The following WWOX variants were observed in gnomAD, a reference collection of about 807,000 sequenced individuals.
WWOX encodes WW domain containing oxidoreductase, also known as WW domain-containing oxidoreductase.
WWOX carries 69 observed loss-of-function variants against 46.2 expected under a neutral mutation model. The ratio of observed to expected loss-of-function variants is 1.49; its 90% CI spans 1.23 to 1.82. WWOX has a LOEUF of 1.82. Among genes scored for constraint, WWOX ranks in the 40% most tolerant of loss-of-function variants. The probability of loss-of-function intolerance (pLI) is 0.00; values close to 1 mark genes in which losing one functional copy is unlikely to be tolerated. For missense variants in WWOX, 919 were observed against 542.6 expected (o/e 1.69, Z -6.89); for synonymous variants, 359 against 202.6 (o/e 1.77, Z -6.56).
chr16:79,057,672 G>A (rs1375019980), intron 8 of WWOX, among the ~76,000 whole-genome samples: 1 of 152,094 alleles, frequency 6.6e-6, no homozygotes. Flanking sequence ...TGGAGGAACT[G>A]GCCTACTATG....
chr16:78,415,680 G>A (rs2082782095), intron 6 of WWOX, among the ~76,000 whole-genome samples: 1 of 152,152 alleles, frequency 6.6e-6, no homozygotes, highest in South Asian at 2.1e-4. Context: ...GTCAGTGGTA[G>A]GGATCTTGAG....
intron 8 of WWOX, among the ~76,000 whole-genome samples, chr16:79,081,295 C>G (rs529594033): frequency 6.6e-6 from 1 of 152,150 alleles, no homozygotes; most frequent in Non-Finnish European, 1.5e-5. Flanking sequence ...TCCTAGGGAG[C>G]TGGGATTACA....
At chr16:79,209,429 G>A (rs533444049) in intron 8 of WWOX, among the ~76,000 whole-genome samples, 1 of 152,302 alleles carries the variant, frequency 6.6e-6, no homozygotes, top group South Asian at 2.1e-4. Context: ...GACTGCTTTG[G>A]TCTTTCCTCA....
In WWOX at chr16:78,810,956, G is replaced by A. The variant is rs941165117; in HGVS notation, c.1056+378204G>A. ...TACTGCAGGCAGAGCTGGGGATTCC[G>A]TGGCCAGAAGCATATTTGGTGAACC... is the stretch of plus-strand genomic sequence containing the variant. On this transcript the variant is annotated intron_variant, in intron 8 of 8. Coordinates refer to ENST00000566780, the MANE Select transcript of WWOX (RefSeq NM_016373.4). Among the ~76,000 whole-genome samples, 16 of 136,840 alleles carry A rather than the reference G, an allele frequency of 1.2e-4. No individual in the cohort carries two copies. In the South Asian group the frequency reaches 1.6e-3, roughly 14 times the overall value. The allele number at this position is 136,840 out of a possible 152,430, so 89.8% of individuals were successfully genotyped here. A position where few individuals can be genotyped will look rare whatever the true frequency, so the allele number is the denominator to read the frequency against.
chr16:78,675,897 T>G (rs1433732948), intron 8 of WWOX, among the ~76,000 whole-genome samples: 1 of 152,090 alleles, frequency 6.6e-6, no homozygotes, highest in African/African-American at 2.4e-5. Flanking sequence ...ATAGAAAATT[T>G]GGAAAATGTA....
chr16:78,511,249 A>G (rs1246506667), intron 8 of WWOX, among the ~76,000 whole-genome samples: 2 of 152,202 alleles, frequency 1.3e-5, no homozygotes, highest in Non-Finnish European at 2.9e-5. Context: ...ATCACCTCCT[A>G]GTACAATTAG....
At chr16:78,815,069 A>G (rs527656831) in intron 8 of WWOX, among the ~76,000 whole-genome samples, 32 of 152,328 alleles carry the variant, frequency 2.1e-4, no homozygotes, top group Middle Eastern at 3.4e-3. Flanking sequence ...TCACGCCTGT[A>G]ATCCCAACAC....
chr16:78,846,484 G>C (rs988179936), intron 8 of WWOX, among the ~76,000 whole-genome samples: 2 of 151,952 alleles, frequency 1.3e-5, no homozygotes, highest in Non-Finnish European at 2.9e-5. Context: ...TTATTTTGTA[G>C]AATGCCCGTA....
rs562973916 is a variant in WWOX at position 78,844,388 on chromosome 16, T to C, written c.1057-367220T>C. 8.5e-5 allele frequency among the ~76,000 whole-genome samples: 13 copies of C among 152,292 alleles called. No homozygotes were observed. The South Asian group carries it at 2.7e-3, about 32-fold the overall frequency. ...GCCTGGGATGGGAAATAAATTCTTA[T>C]TTTCCTGCCGTGTGGTACCAGTGGG... On this transcript the variant is annotated intron_variant, in intron 8 of 8. Transcript: ENST00000566780.
intron 8 of WWOX, among the ~76,000 whole-genome samples, chr16:78,870,608 T>C (rs1427477960): frequency 6.6e-6 from 1 of 152,192 alleles, no homozygotes; most frequent in East Asian, 1.9e-4. Context: ...TCAGTTCTTT[T>C]TTTCTTTTTT....
chr16:78,631,141 G>C (rs1357117532), intron 8 of WWOX, among the ~76,000 whole-genome samples: 1 of 152,182 alleles, frequency 6.6e-6, no homozygotes, highest in Non-Finnish European at 1.5e-5. Flanking sequence ...AGGGACTTGA[G>C]CATTTGTGGA....
chr16:79,095,405 G>C (rs2049047868), intron 8 of WWOX, among the ~76,000 whole-genome samples: 1 of 152,110 alleles, frequency 6.6e-6, no homozygotes. Context: ...GAGAAATTGA[G>C]GCACGGACAA....
intron 8 of WWOX, among the ~76,000 whole-genome samples, chr16:78,949,693 T>G (rs2046019692): frequency 6.6e-6 from 1 of 152,238 alleles, no homozygotes; most frequent in South Asian, 2.1e-4. Context: ...GTGTGGCTTC[T>G]TTTGAGCATC....
intron 8 of WWOX, among the ~76,000 whole-genome samples, chr16:79,071,686 A>G (rs1356517066): frequency 6.6e-6 from 1 of 152,224 alleles, no homozygotes; most frequent in Non-Finnish European, 1.5e-5. Flanking sequence ...CCTGCCCCGC[A>G]TTCCCCTTCA....
At chr16:78,603,288 G>C (rs921100406) in intron 8 of WWOX, among the ~76,000 whole-genome samples, 2 of 152,148 alleles carry the variant, frequency 1.3e-5, no homozygotes, top group Non-Finnish European at 2.9e-5. Flanking sequence ...GGAGCCAGAA[G>C]GTCCCTTTGG....
intron 8 of WWOX, among the ~76,000 whole-genome samples, chr16:79,003,398 A>T (rs1411082535): frequency 6.6e-6 from 1 of 152,166 alleles, no homozygotes; most frequent in African/African-American, 2.4e-5. Context: ...TCCCATTATC[A>T]CCGTGAGGCC....
intron 8 of WWOX, among the ~76,000 whole-genome samples, chr16:78,959,703 C>T (rs1415338025): frequency 6.6e-6 from 1 of 152,186 alleles, no homozygotes; most frequent in Non-Finnish European, 1.5e-5. Flanking sequence ...TGAGACCCCC[C>T]TGCAACTACC....
chr16:78,700,162 C>T (rs964590495), intron 8 of WWOX, among the ~76,000 whole-genome samples: 7 of 151,802 alleles, frequency 4.6e-5, no homozygotes, highest in Non-Finnish European at 7.4e-5. Context: ...AACAGAATAC[C>T]GTTGACTGGG....
At chr16:78,706,387 G>T (rs2048329069) in intron 8 of WWOX, among the ~76,000 whole-genome samples, 1 of 152,038 alleles carries the variant, frequency 6.6e-6, no homozygotes, top group Non-Finnish European at 1.5e-5. Flanking sequence ...GCCTTCTCCA[G>T]GAATCTCTCT....
Sources: allele counts gnomAD v4.1 joint callset (sites outside exome capture counted in the v4.1 genomes callset), GRCh38; gene constraint gnomAD v4.1.1; transcripts MANE v1.5; gene names NCBI Gene and HGNC (gene_info 2026-07-23, HGNC 2026-07-21).